Variants in ZNF638 observed in about 807,000 individuals in gnomAD.
ZNF638 encodes the protein zinc finger protein 638, also known as CTCL tumor antigen se33-1.
Under a neutral mutation model 195.6 loss-of-function variants are expected in ZNF638, and 46 were observed. That is an observed-to-expected ratio of 0.24 (90% confidence interval 0.19 to 0.30). The LOEUF (loss-of-function observed/expected upper bound fraction) is 0.30. Ranked by LOEUF, ZNF638 falls within the 10% of genes least tolerant of loss-of-function variation. The probability of loss-of-function intolerance (pLI) is 1.00; values close to 1 mark genes in which losing one functional copy is unlikely to be tolerated. For missense variants in ZNF638, 2,440 were observed against 2,325.3 expected (o/e 1.05, Z -1.01); for synonymous variants, 845 against 772.0 (o/e 1.09, Z -1.57).
At chr2:71,335,675 A>G (rs1249350453) in intron 1 of ZNF638, among the ~76,000 whole-genome samples, 3 of 152,184 alleles carry the variant, frequency 2.0e-5, no homozygotes, top group African/African-American at 7.2e-5. Flanking sequence ...TTTCATCTCT[A>G]CTTGCTTATT....
At chr2:71,422,652 A>T (rs2080455700) in intron 21 of ZNF638, among the ~76,000 whole-genome samples, 162 bp from the exon 22 acceptor site, 1 of 152,172 alleles carries the variant, frequency 6.6e-6, no homozygotes, top group Non-Finnish European at 1.5e-5. Flanking sequence ...TACCCATTTT[A>T]TGCTGATTGG....
At chr2:71,393,736 C>A in intron 10 of ZNF638, 1 of 652,078 alleles carries the variant, frequency 1.5e-6, no homozygotes, top group Middle Eastern at 2.6e-4. Flanking sequence ...TCTGTTAGAT[C>A]CGCCTTTCTT....
chr2:71,394,526 C>T (rs1447672193), intron 10 of ZNF638, among the ~76,000 whole-genome samples: 1 of 152,116 alleles, frequency 6.6e-6, no homozygotes, highest in Non-Finnish European at 1.5e-5. Context: ...CTTGCTTCAC[C>T]TCATGTATCA....
chr2:71,362,711 G>A (rs1197966434), intron 3 of ZNF638, among the ~76,000 whole-genome samples: 1 of 152,124 alleles, frequency 6.6e-6, no homozygotes, highest in Non-Finnish European at 1.5e-5. Flanking sequence ...CTTTCTATGA[G>A]TTCTCTCCTG....
chr2:71,368,511 G>A lies in ZNF638; in HGVS notation c.2125G>A (p.Val709Ile), dbSNP rs758031888. ...TGGGAAAGTGAATGATGTCCTAATT[G>A]TTCCATATAGAAAAGAGGTGAGTCA... ...PFGKVNDVLI[V>I]PYRKEAYLEM... Residue 709 changes from valine (V) to isoleucine (I), a missense_variant, in exon 7 of 28, where the codon GTT becomes ATT. Val to Ile is a conservative substitution (Grantham distance 29, BLOSUM62 3). Around this residue, in one of 5 missense-constraint regions of ZNF638, gnomAD observed 1,883 missense variants for 1,739.1 expected, o/e 1.08. Transcript: ENST00000264447. 1 of 1,612,350 alleles carries A rather than the reference G, an allele frequency of 6.2e-7. No individual in the cohort carries two copies. Among genetic ancestry groups the A allele is most frequent in the Non-Finnish European group, 8.5e-7 (1 of 1,179,462 alleles).
chr2:71,398,675 T>C (rs1304514135), intron 11 of ZNF638, 26 bp from the exon 12 acceptor site: 1 of 1,606,350 alleles, frequency 6.2e-7, no homozygotes, highest in Admixed American at 1.7e-5. Context: ...AGTAAACCAG[T>C]TTTGACTGCA....
rs764481864 is a variant in ZNF638, at chr2:71,364,304, A to G, written c.1717+52A>G. ...ATGTACTTATTTTGACTAAATTTTT[A>G]AATGTCTTTCTTTTTGGATTTTGAG... is the stretch of plus-strand genomic sequence containing the variant. On this transcript the variant is annotated intron_variant, in intron 5 of 27. Coordinates refer to ENST00000264447, the MANE Select transcript of ZNF638 (RefSeq NM_014497.5). 2.6e-6 allele frequency: 4 copies of G among 1,522,404 alleles called. No individual in the cohort carries two copies. In the Admixed American group the frequency reaches 8.6e-5, roughly 33 times the overall value. The allele number at this position is 1,522,404 out of a possible 1,614,324, so 94.3% of individuals were successfully genotyped here. A position where few individuals can be genotyped will look rare whatever the true frequency, so the allele number is the denominator to read the frequency against.
intron 1 of ZNF638, among the ~76,000 whole-genome samples, chr2:71,340,216 GCTTT>G (rs1168445185): frequency 6.6e-6 from 1 of 151,806 alleles, no homozygotes; most frequent in African/African-American, 2.4e-5. Context: ...GCTTATTTTT[GCTTT>G]CTGTTTCATT....
At chr2:71,386,346 G>C (rs1418631911) in intron 10 of ZNF638, among the ~76,000 whole-genome samples, 1 of 148,790 alleles carries the variant, frequency 6.7e-6, no homozygotes, top group Non-Finnish European at 1.5e-5. Context: ...ATGTATGTGT[G>C]TATATATACT....
At chr2:71,365,125 CAT>C (rs113004017) in intron 5 of ZNF638, among the ~76,000 whole-genome samples, 76 of 152,282 alleles carry the variant, frequency 5.0e-4, no homozygotes, top group African/African-American at 1.7e-3. Context: ...ACCAACCTAA[CAT>C]ATGAATTGAT....
At chr2:71,336,282 A>T (rs1328093991) in intron 1 of ZNF638, among the ~76,000 whole-genome samples, 1 of 150,296 alleles carries the variant, frequency 6.7e-6, no homozygotes, top group African/African-American at 2.4e-5. Context: ...AGGTAGGAGA[A>T]TCGCTTGAAG....
At chr2:71,410,009 A>G (rs1387490409) in intron 20 of ZNF638, among the ~76,000 whole-genome samples, 2 of 152,094 alleles carry the variant, frequency 1.3e-5, no homozygotes, top group Non-Finnish European at 2.9e-5. Context: ...TACGTATTTC[A>G]TTGATTGATT....
chr2:71,367,629 C>T (rs557734864), intron 6 of ZNF638, among the ~76,000 whole-genome samples: 5 of 151,338 alleles, frequency 3.3e-5, no homozygotes, highest in Admixed American at 1.3e-4. Flanking sequence ...TTAGCAGAGA[C>T]GGGGTTTCAC....
intron 6 of ZNF638, 45 bp from the exon 7 acceptor site, chr2:71,368,337 A>T (rs888113729): frequency 6.4e-7 from 1 of 1,560,988 alleles, no homozygotes; most frequent in African/African-American, 1.4e-5. Context: ...TGTACATTGT[A>T]GCTTAATTTG....
intron 8 of ZNF638, among the ~76,000 whole-genome samples, chr2:71,370,321 C>T (rs1038373663): frequency 6.6e-6 from 1 of 152,170 alleles, no homozygotes; most frequent in African/African-American, 2.4e-5. Flanking sequence ...CTTGCTTCTT[C>T]CCAATTCTTA....
At position 71,367,314 on chromosome 2, in the gene ZNF638, A is replaced by AGT. The variant is rs2079217772; in HGVS notation, c.1996-1066_1996-1065dup. On this transcript the variant is annotated intron_variant, in intron 6 of 27. Coordinates refer to ENST00000264447, the MANE Select transcript of ZNF638 (RefSeq NM_014497.5). Reference sequence around the variant, plus strand: ...CGCTTTCTCACCCAGGCTGGAGTGTAGTGGCACAGTCATAGCTCACTGCAG... The same window carrying AGT: ...CGCTTTCTCACCCAGGCTGGAGTGTAGTGTGGCACAGTCATAGCTCACTGCAG... 5.3e-5 allele frequency among the ~76,000 whole-genome samples: 8 copies of AGT among 151,826 alleles called. No individual in the cohort carries two copies. In the South Asian group the frequency reaches 1.7e-3, roughly 32 times the overall value.
At position 71,423,533 on chromosome 2, in the gene ZNF638, C is replaced by T. The variant is rs749576090; in HGVS notation, c.4019C>T (p.Ala1340Val). Residue 1340 changes from alanine to valine, a missense_variant, in exon 22 of 28, where the codon GCA becomes GTA. By Grantham distance (64) the Ala-to-Val change is moderately conservative. Transcript: ENST00000264447. ...GAAAAGAATGAAGGTAGGATGGATG[C>T]AGAAAAGGTGGAAAAGATGGCAGCA... ...KAEKNEGRMDAEKVEKMAAMK... is the reference protein window; with the variant it reads ...KAEKNEGRMDVEKVEKMAAMK... 7 of 1,613,900 alleles carry T rather than the reference C, an allele frequency of 4.3e-6. No individual in the cohort carries two copies. The South Asian group carries it at 6.6e-5, about 15-fold the overall frequency.
At chr2:71,393,638 T>C (rs1355119876) in intron 10 of ZNF638, 5 of 717,842 alleles carry the variant, frequency 7.0e-6, no homozygotes, top group Non-Finnish European at 1.3e-5. Context: ...CTTGCTCTGC[T>C]CTCTGGTGTA....
At chr2:71,426,381 C>A (rs759231967) in intron 23 of ZNF638, 79 bp from the exon 24 acceptor site, 25 of 1,022,232 alleles carry the variant, frequency 2.4e-5, no homozygotes, top group Non-Finnish European at 2.9e-5. Context: ...GATCTGCATG[C>A]ACATTTATTG....
Sources: allele counts gnomAD v4.1 joint callset (sites outside exome capture counted in the v4.1 genomes callset), GRCh38; gene constraint gnomAD v4.1.1; regional missense constraint gnomAD v4.1.1; transcripts MANE v1.5; gene names NCBI Gene and HGNC (gene_info 2026-07-23, HGNC 2026-07-21).